HNF4G: variants seen among roughly 807,000 people sequenced by gnomAD.
The protein encoded by HNF4G is hepatocyte nuclear factor 4-gamma.
Under a neutral mutation model 50.9 loss-of-function variants are expected in HNF4G, and 21 were observed. The observed-to-expected ratio is 0.41, with a 90% CI of 0.29 to 0.59. The LOEUF (loss-of-function observed/expected upper bound fraction) is 0.59. HNF4G is among the 20% of genes least tolerant of loss of function. The pLI, the probability that HNF4G is intolerant of heterozygous loss-of-function variation, is 0.26. For missense variants in HNF4G, 527 were observed against 559.4 expected, an observed-to-expected ratio of 0.94 and a Z score of 0.58; for synonymous variants, 198 against 185.6, an observed-to-expected ratio of 1.07 and a Z score of -0.54.
upstream of HNF4G, among the ~76,000 whole-genome samples, chr8:75,538,602 AC>A (rs1465018276): frequency 6.6e-6 from 1 of 152,160 alleles, no homozygotes; most frequent in East Asian, 1.9e-4. Context: ...GCAAATAAAA[AC>A]CACTTCTGTC....
intron 1 of HNF4G, among the ~76,000 whole-genome samples, chr8:75,474,753 A>G (rs1394838372): frequency 1.3e-5 from 2 of 152,150 alleles, no homozygotes; most frequent in Non-Finnish European, 2.9e-5. Context: ...GCTGGAGTGC[A>G]GTGGCGCGAT....
At chr8:75,469,336 T>C (rs180887876) in intron 1 of HNF4G, among the ~76,000 whole-genome samples, 16 of 152,104 alleles carry the variant, frequency 1.1e-4, no homozygotes, top group African/African-American at 3.6e-4. Context: ...TAGCACAGGG[T>C]GTGGAGGTAT....
intron 1 of HNF4G, among the ~76,000 whole-genome samples, chr8:75,441,252 T>C (rs1214845374): frequency 6.6e-6 from 1 of 152,000 alleles, no homozygotes; most frequent in East Asian, 1.9e-4. Context: ...AGAACTTTTT[T>C]TTTTTTTTTC....
intron 8 of HNF4G, among the ~76,000 whole-genome samples, chr8:75,559,685 C>T (rs772145676): frequency 6.6e-6 from 1 of 152,198 alleles, no homozygotes; most frequent in Admixed American, 6.5e-5. Context: ...ATTTTATGAC[C>T]TCTTCAAATA....
chr8:75,441,947 T>G lies in HNF4G; in HGVS notation c.-144+33785T>G, dbSNP rs571160104. Among the ~76,000 whole-genome samples, 19 of 152,316 alleles carry G rather than the reference T, an allele frequency of 1.2e-4. No individual in the cohort carries two copies. The South Asian group carries it at 3.9e-3, about 32-fold the overall frequency. On this transcript the variant is annotated intron_variant, in intron 1 of 10. Coordinates refer to the HNF4G transcript ENST00000354370. ...AATGGATAAATGCATTGTGGTATAT[T>G]CACGTGATGATTTACTATAAAGTAG...
intron 2 of HNF4G, among the ~76,000 whole-genome samples, chr8:75,506,037 CTG>C (rs1387722173): frequency 6.6e-6 from 1 of 151,778 alleles, no homozygotes; most frequent in Non-Finnish European, 1.5e-5. Flanking sequence ...GAAAATAAAA[CTG>C]ATTTGCATTT....
chr8:75,472,755 G>A (rs1448058093), intron 1 of HNF4G, among the ~76,000 whole-genome samples: 5 of 152,026 alleles, frequency 3.3e-5, no homozygotes, highest in Non-Finnish European at 7.4e-5. Flanking sequence ...TTGGGGGGCT[G>A]GACACTGCAA....
chr8:75,477,934 T>C (rs1002458725), intron 1 of HNF4G, among the ~76,000 whole-genome samples: 6 of 152,170 alleles, frequency 3.9e-5, no homozygotes, highest in African/African-American at 1.4e-4. Flanking sequence ...GCTATTGCAC[T>C]CCAGCTTGGG....
intron 1 of HNF4G, among the ~76,000 whole-genome samples, chr8:75,449,898 T>C (rs930749421): frequency 1.3e-5 from 2 of 152,194 alleles, no homozygotes; most frequent in Admixed American, 1.3e-4. Flanking sequence ...TTCTCAGCAA[T>C]TTTTAAGAGT....
intron 1 of HNF4G, among the ~76,000 whole-genome samples, chr8:75,469,852 T>C (rs562250700): frequency 6.6e-6 from 1 of 152,234 alleles, no homozygotes; most frequent in African/African-American, 2.4e-5. Flanking sequence ...AATTTTTATT[T>C]CATTAAGTGT....
chr8:75,456,301 A>G (rs1360475306), intron 1 of HNF4G, among the ~76,000 whole-genome samples: 2 of 152,202 alleles, frequency 1.3e-5, no homozygotes, highest in African/African-American at 4.8e-5. Flanking sequence ...ACTAAGAATG[A>G]AAACAAAAAC....
At position 75,540,028 on chromosome 8, in the gene HNF4G, A is replaced by G. The variant is rs1431055790; in HGVS notation, c.66A>G (p.Pro22=). 6.2e-7 allele frequency: 1 copy of G among 1,610,028 alleles called. No homozygotes were observed. Among genetic ancestry groups the G allele is most frequent in the Non-Finnish European group, 8.5e-7 (1 of 1,176,316 alleles). The change falls in exon 1 of 10, where the codon CCA becomes CCG. Residue 22 remains proline, a synonymous_variant. Coordinates refer to ENST00000396423, the MANE Select transcript of HNF4G (RefSeq NM_004133.5). ...CAAATTACAGTGAAGTTTTGGACCC[A>G]ACTTACACAACTTTGGAGTTTGAAA... ...DMANYSEVLD[P]TYTTLEFETM...
intron 1 of HNF4G, among the ~76,000 whole-genome samples, chr8:75,482,939 AT>A (rs1478782080): frequency 1.3e-5 from 2 of 152,138 alleles, no homozygotes; most frequent in Admixed American, 6.5e-5. Context: ...TTAACTTTTC[AT>A]TTTCTGGTTA....
intron 1 of HNF4G, among the ~76,000 whole-genome samples, chr8:75,437,751 A>G (rs1236460244): frequency 6.6e-6 from 1 of 152,006 alleles, no homozygotes; most frequent in African/African-American, 2.4e-5. Flanking sequence ...AAAAACATGG[A>G]CATAAAAAAT....
intron 1 of HNF4G, among the ~76,000 whole-genome samples, chr8:75,448,444 A>AATAAT (rs113115130): frequency 1.6e-5 from 2 of 121,484 alleles, no homozygotes; most frequent in Admixed American, 8.6e-5. Context: ...AAAAAAAAAA[A>AATAAT]GTGTCAGACA....
intron 1 of HNF4G, among the ~76,000 whole-genome samples, chr8:75,542,535 G>GAA (rs71567128): frequency 1.9e-4 from 15 of 80,500 alleles, no homozygotes; most frequent in South Asian, 4.7e-4. Context: ...CAATGACGAC[G>GAA]AAAAAAAAAA....
intron 1 of HNF4G, among the ~76,000 whole-genome samples, chr8:75,475,516 G>A (rs1221199277): frequency 1.3e-5 from 2 of 152,170 alleles, no homozygotes; most frequent in African/African-American, 2.4e-5. Context: ...ATTTATGTAT[G>A]TGTGTGTTTG....
intron 2 of HNF4G, among the ~76,000 whole-genome samples, chr8:75,521,618 A>G (rs941760166): frequency 3.3e-5 from 5 of 152,212 alleles, no homozygotes; most frequent in Admixed American, 6.5e-5. Flanking sequence ...AGTTGAAGCT[A>G]TGATCCGAGA....
chr8:75,416,906 T>C (rs765977279), intron 1 of HNF4G, among the ~76,000 whole-genome samples: 22 of 152,186 alleles, frequency 1.4e-4, no homozygotes, highest in Non-Finnish European at 2.9e-4. Flanking sequence ...TTCCTGAAGC[T>C]CTCCCTACCC....
Sources: gnomAD v4.1 joint callset for allele counts (sites outside exome capture counted in the v4.1 genomes callset) on GRCh38, gnomAD v4.1.1 for gene constraint, MANE v1.5 for transcripts, NCBI Gene and HGNC (gene_info 2026-07-23, HGNC 2026-07-21) for gene names.